DNASE1L3: variants seen among roughly 807,000 people sequenced by gnomAD.
The protein encoded by DNASE1L3 is deoxyribonuclease gamma.
DNASE1L3 carries 27 observed loss-of-function variants against 30.9 expected under a neutral mutation model. The ratio of observed to expected loss-of-function variants is 0.87; its 90% CI spans 0.64 to 1.20. DNASE1L3 has a LOEUF of 1.20. DNASE1L3 is among the 50% of genes most tolerant of loss of function. The pLI is 0.00. For missense variants in DNASE1L3, 364 were observed against 378.2 expected (o/e 0.96, Z 0.31); for synonymous variants, 135 against 138.0 (o/e 0.98, Z 0.15).
chr3:58,208,400 G>T, intron 1 of DNASE1L3, 94 bp from the exon 2 acceptor site: 1 of 1,279,918 alleles, frequency 7.8e-7, no homozygotes, highest in Non-Finnish European at 1.1e-6. Flanking sequence ...GTATTGCACT[G>T]AGTGCTTATT....
At chr3:58,208,091 G>T in intron 2 of DNASE1L3, 127 bp downstream of exon 2, 1 of 861,318 alleles carries the variant, frequency 1.2e-6, no homozygotes, top group Non-Finnish European at 1.9e-6. Flanking sequence ...CTGGACTCCT[G>T]GGCAACACTG....
chr3:58,208,672 C>G (rs1274015608), intron 1 of DNASE1L3, among the ~76,000 whole-genome samples: 1 of 151,978 alleles, frequency 6.6e-6, no homozygotes, highest in Non-Finnish European at 1.5e-5. Flanking sequence ...ATTTATTAAG[C>G]CCTTAGTAAG....
intron 4 of DNASE1L3, among the ~76,000 whole-genome samples, chr3:58,204,224 T>C (rs2097402488): frequency 6.7e-6 from 1 of 150,370 alleles, no homozygotes; most frequent in African/African-American, 2.5e-5. Context: ...CACTGCAACC[T>C]CTGCCTCCCT....
At chr3:58,195,745 C>G (rs1288091600) in intron 6 of DNASE1L3, among the ~76,000 whole-genome samples, 1 of 151,482 alleles carries the variant, frequency 6.6e-6, no homozygotes, top group Non-Finnish European at 1.5e-5. Flanking sequence ...AAGATCCTGC[C>G]ACTGCACTCC....
At chr3:58,206,645 T>C (rs772428481) in intron 2 of DNASE1L3, among the ~76,000 whole-genome samples, 62 of 152,108 alleles carry the variant, frequency 4.1e-4, no homozygotes, top group Non-Finnish European at 7.1e-4. Flanking sequence ...CCAAGACCAC[T>C]GGTGGTGAAA....
rs1220744549 is a variant in DNASE1L3, at chr3:58,192,434, G to T, written c.*253C>A. ...GCCAGTGACAGTGGATGGGGCTCTG[G>T]CTCAGGGCATGAAGATCATCATTTT... On this transcript the variant is annotated 3_prime_UTR_variant, in exon 8 of 8. Transcript: ENST00000394549. The surrounding 1 kb of genome is among the most constrained non-coding windows in gnomAD (Gnocchi z 4.8). 3 of 302,846 alleles carry T rather than the reference G, an allele frequency of 9.9e-6. No homozygotes were observed. The highest frequency in any genetic ancestry group is 1.8e-5 in the Non-Finnish European group (3 of 164,078). 18.8% of individuals were successfully genotyped at this position (302,846 alleles called of 1,614,324 possible). A position where few individuals can be genotyped will look rare whatever the true frequency, so the allele number is the denominator to read the frequency against.
rs2097398140 is a variant in DNASE1L3, at chr3:58,197,564, C to CA, written c.704+256dup. ...ACCTTCTGGGCTCAAGCGATCCTCC[C>CA]ACCTCAGCCTCCTGAGTAGCTGGGA... On this transcript the variant is annotated intron_variant, in intron 6 of 7. Transcript: ENST00000394549. This position sits in a 1 kb window ranked among gnomAD's most constrained non-coding sequence, Gnocchi z 5.3. Among the ~76,000 whole-genome samples, 1 of 152,204 alleles carries CA rather than the reference C, an allele frequency of 6.6e-6. No individual in the cohort carries two copies. Among genetic ancestry groups the CA allele is most frequent in the South Asian group, 2.1e-4 (1 of 4,838 alleles).
chr3:58,198,864 C>G (rs1177974961), intron 5 of DNASE1L3, among the ~76,000 whole-genome samples: 3 of 152,132 alleles, frequency 2.0e-5, no homozygotes, highest in African/African-American at 7.2e-5. Context: ...AAAATTCAGT[C>G]CCTTGAGGAG....
chr3:58,204,977 G>T (rs2107378331), intron 3 of DNASE1L3, 96 bp from the exon 4 acceptor site: 1 of 1,110,322 alleles, frequency 9.0e-7, no homozygotes, highest in Non-Finnish European at 1.3e-6. Flanking sequence ...TTTCTCAGAA[G>T]CCAGAGCAGG....
intron 6 of DNASE1L3, among the ~76,000 whole-genome samples, chr3:58,194,314 C>CATTTTTTTT (rs2097395865): frequency 1.1e-5 from 1 of 89,052 alleles, no homozygotes; most frequent in African/African-American, 4.7e-5. Flanking sequence ...GCACAACTAA[C>CATTTTTTTT]TTTTTTTTTT....
intron 4 of DNASE1L3, among the ~76,000 whole-genome samples, chr3:58,203,697 G>T (rs1200043350): frequency 2.0e-5 from 3 of 152,284 alleles, no homozygotes; most frequent in African/African-American, 7.2e-5. Flanking sequence ...CTACTTGCGA[G>T]GCTGAGGTGC....
rs1378453393 is a variant in DNASE1L3 at position 58,192,591 on chromosome 3, ATCAC to A, written c.*92_*95del. The A allele has an allele frequency of 1.6e-6, 2 of 1,280,446 alleles. No individual in the cohort carries two copies. Among genetic ancestry groups the A allele is most frequent in the African/African-American group, 3.0e-5 (2 of 66,224 alleles). 79.3% of individuals were successfully genotyped at this position (1,280,446 alleles called of 1,614,324 possible). On this transcript the variant is annotated 3_prime_UTR_variant, in exon 8 of 8. Coordinates refer to ENST00000394549, the MANE Select transcript of DNASE1L3 (RefSeq NM_004944.4). The surrounding 1 kb of genome is among the most constrained non-coding windows in gnomAD (Gnocchi z 4.8). ...CAGGTCAAAAAATGAAAGCAGTTGG[ATCAC>A]TCTTGTTTCCTAAGTACAGGGAGCA... is the stretch of plus-strand genomic sequence containing the variant.
At chr3:58,199,995 G>A (rs564094770) in intron 5 of DNASE1L3, among the ~76,000 whole-genome samples, 5 of 152,248 alleles carry the variant, frequency 3.3e-5, no homozygotes, top group South Asian at 2.1e-4. Context: ...ATTCCGAAAC[G>A]AGAAAAGAGA....
chr3:58,197,927 T>C lies in DNASE1L3; in HGVS notation c.598A>G (p.Lys200Glu). 1 of 1,613,956 alleles carries C rather than the reference T, an allele frequency of 6.2e-7. No individual in the cohort carries two copies. The highest frequency in any genetic ancestry group is 1.1e-5 in the South Asian group (1 of 91,018). ...FNAGCSYVPK[K>E]AWKNIRLRTD... is the part of the protein sequence containing the mutation. ...CTCAAGCGGATGTTCTTCCAGGCCT[T>C]CTTGGGGACGTAGCTGCAGCCGGCA... The change falls in exon 6 of 8, where the codon AAG (lysine) becomes GAG (glutamate). Residue 200 changes from lysine to glutamate, a missense_variant. Physicochemically the swap from Lys to Glu is moderately conservative, Grantham distance 56. Coordinates refer to ENST00000394549, the MANE Select transcript of DNASE1L3 (RefSeq NM_004944.4). This position sits in a 1 kb window ranked among gnomAD's most constrained non-coding sequence, Gnocchi z 5.3.
chr3:58,194,947 C>A (rs953570975), intron 6 of DNASE1L3, among the ~76,000 whole-genome samples: 1 of 152,296 alleles, frequency 6.6e-6, no homozygotes, highest in Middle Eastern at 3.4e-3. Context: ...GCTTTTAATT[C>A]AACCCAAATG....
chr3:58,195,818 T>C (rs2107368410), intron 6 of DNASE1L3, among the ~76,000 whole-genome samples: 1 of 152,100 alleles, frequency 6.6e-6, no homozygotes, highest in Non-Finnish European at 1.5e-5. Flanking sequence ...ACAAGAGTTA[T>C]ACATGTTGTT....
chr3:58,194,400 A>G lies in DNASE1L3; in HGVS notation c.705-961T>C, dbSNP rs113252434. ...CAGTGCGCCATCTCAGCTCACTGCAACCTCCACCTTCCGGGTTGAAGCGAT... is the reference window on the plus strand; with the variant it reads ...CAGTGCGCCATCTCAGCTCACTGCAGCCTCCACCTTCCGGGTTGAAGCGAT... On this transcript the variant is annotated intron_variant, in intron 6 of 7. Transcript: ENST00000394549. Among the ~76,000 whole-genome samples the G allele has an allele frequency of 2.4e-3, 345 of 144,682 alleles. 1 individual carries two copies. The highest frequency in any genetic ancestry group is 8.9e-3 in the African/African-American group (340 of 38,318). The allele number at this position is 144,682 out of a possible 152,430, so 94.9% of individuals were successfully genotyped here.
At chr3:58,205,176 T>C (rs536926630) in intron 3 of DNASE1L3, among the ~76,000 whole-genome samples, 2 of 152,360 alleles carry the variant, frequency 1.3e-5, no homozygotes, top group South Asian at 4.1e-4. Context: ...AGGAATCAGC[T>C]GTGCTGAGAA....
At chr3:58,198,028 G>A (rs1457900301) in intron 5 of DNASE1L3, 50 bp from the exon 6 acceptor site, 6 of 1,561,886 alleles carry the variant, frequency 3.8e-6, no homozygotes, top group Non-Finnish European at 5.2e-6. Flanking sequence ...GCTGCAGAAT[G>A]CTTTCACACT....
Sources: allele counts gnomAD v4.1 joint callset (sites outside exome capture counted in the v4.1 genomes callset), GRCh38; gene constraint gnomAD v4.1.1; non-coding constraint Gnocchi (gnomAD v3.1); transcripts MANE v1.5; gene names NCBI Gene and HGNC (gene_info 2026-07-23, HGNC 2026-07-21).